Variants in FNDC3B observed in about 807,000 individuals in gnomAD.
FNDC3B encodes fibronectin type III domain containing 3B, also known as fibronectin type III domain-containing protein 3B.
FNDC3B carries 12 observed loss-of-function variants against 151.5 expected under a neutral mutation model. The observed-to-expected ratio is 0.08, with a 90% CI of 0.05 to 0.13. FNDC3B has a LOEUF of 0.13. FNDC3B is among the 10% of genes least tolerant of loss of function. The pLI is 1.00. For synonymous variants in FNDC3B, 528 were observed against 549.0 expected (o/e 0.96, Z 0.54); for missense variants, 1,214 against 1,505.3 (o/e 0.81, Z 3.20).
intron 4 of FNDC3B, among the ~76,000 whole-genome samples, chr3:172,229,572 C>G (rs1726783244): frequency 6.6e-6 from 1 of 152,134 alleles, no homozygotes; most frequent in Admixed American, 6.6e-5. Context: ...TTTTCAGCAT[C>G]TGTGATTCTT....
intron 3 of FNDC3B, among the ~76,000 whole-genome samples, chr3:172,193,958 C>T (rs988747779): frequency 7.9e-5 from 12 of 152,016 alleles, no homozygotes; most frequent in Non-Finnish European, 1.8e-4. Context: ...TGGTGGCTCA[C>T]GTCTGTAATC....
intron 1 of FNDC3B, among the ~76,000 whole-genome samples, chr3:172,089,148 T>A (rs1232139373): frequency 1.3e-5 from 2 of 152,166 alleles, no homozygotes; most frequent in Non-Finnish European, 2.9e-5. Flanking sequence ...AAAGTAAAAT[T>A]TAGTTCACAA....
At chr3:172,309,569 C>T (rs563318953) in intron 10 of FNDC3B, among the ~76,000 whole-genome samples, 43 of 152,206 alleles carry the variant, frequency 2.8e-4, no homozygotes, top group East Asian at 5.8e-4. Flanking sequence ...CCTAAAATAA[C>T]AGTTTAGGAC....
chr3:172,320,443 C>T (rs1021886953), intron 11 of FNDC3B, among the ~76,000 whole-genome samples: 1 of 152,076 alleles, frequency 6.6e-6, no homozygotes, highest in Admixed American at 6.6e-5. Context: ...ATCAAGAAAA[C>T]ATCAGGAGGA....
Position 172,304,716 on chromosome 3 carries a change from G to T in FNDC3B, c.1062-2647G>T. Among the ~76,000 whole-genome samples, 2 of 152,082 alleles carry T rather than the reference G, an allele frequency of 1.3e-5. 1 individual carries two copies. The highest frequency in any genetic ancestry group is 3.9e-4 in the East Asian group (2 of 5,186). Reference sequence around the variant, plus strand: ...GTTCAAGACCAGCCTGGCCAACGTGGTGAAACCCCCATCTCTACAAAAATA... The same window carrying T: ...GTTCAAGACCAGCCTGGCCAACGTGTTGAAACCCCCATCTCTACAAAAATA... On this transcript the variant is annotated intron_variant, in intron 9 of 25. Transcript: ENST00000415807.
At chr3:172,213,458 C>T (rs1393746282) in intron 3 of FNDC3B, among the ~76,000 whole-genome samples, 2 of 152,196 alleles carry the variant, frequency 1.3e-5, no homozygotes, top group African/African-American at 4.8e-5. Flanking sequence ...CTCCTATCTT[C>T]TCAGTATTCA....
At position 172,045,807 on chromosome 3, in the gene FNDC3B, T is replaced by C. The variant is rs79070596; in HGVS notation, c.-29+6036T>C. Among the ~76,000 whole-genome samples, 428 of 151,478 alleles carry C rather than the reference T, an allele frequency of 2.8e-3. 4 individuals carry two copies. Among genetic ancestry groups the C allele is most frequent in the African/African-American group, 9.5e-3 (392 of 41,278 alleles). ...CTCTCTCTCTCTCTATATATATATATACACTTTGCCTTAAAATATATATTA... is the reference window on the plus strand; with the variant it reads ...CTCTCTCTCTCTCTATATATATATACACACTTTGCCTTAAAATATATATTA... On this transcript the variant is annotated intron_variant, in intron 1 of 25. Coordinates refer to ENST00000415807, the MANE Select transcript of FNDC3B (RefSeq NM_022763.4).
intron 1 of FNDC3B, among the ~76,000 whole-genome samples, chr3:172,081,155 G>A (rs1718261095): frequency 6.6e-6 from 1 of 152,090 alleles, no homozygotes. Context: ...GTATTGATTG[G>A]CACTAGTGGT....
At chr3:172,243,012 C>T (rs1727579022) in intron 4 of FNDC3B, among the ~76,000 whole-genome samples, 1 of 152,184 alleles carries the variant, frequency 6.6e-6, no homozygotes, top group African/African-American at 2.4e-5. Context: ...CCACAAATCT[C>T]TAGGGCAGAG....
chr3:172,258,915 A>G (rs901767218), intron 6 of FNDC3B, among the ~76,000 whole-genome samples: 2 of 152,156 alleles, frequency 1.3e-5, no homozygotes, highest in Non-Finnish European at 2.9e-5. Flanking sequence ...TTGTGAGCAC[A>G]TATCCTAGGC....
intron 25 of FNDC3B, among the ~76,000 whole-genome samples, chr3:172,388,204 A>C (rs1351421269): frequency 6.6e-6 from 1 of 152,138 alleles, no homozygotes; most frequent in African/African-American, 2.4e-5. Context: ...CCAGCAGCCG[A>C]GTATGCACTG....
intron 1 of FNDC3B, among the ~76,000 whole-genome samples, chr3:172,076,211 C>T (rs1385510862): frequency 2.0e-5 from 3 of 152,096 alleles, no homozygotes; most frequent in Admixed American, 1.3e-4. Context: ...ATATTGTTTC[C>T]TACTAATGTC....
At chr3:172,098,552 T>C (rs1719201569) in intron 1 of FNDC3B, among the ~76,000 whole-genome samples, 1 of 152,234 alleles carries the variant, frequency 6.6e-6, no homozygotes, top group African/African-American at 2.4e-5. Context: ...AAATTGCACA[T>C]TCAATGTTAA....
chr3:172,116,432 C>T (rs1215344511), intron 2 of FNDC3B, among the ~76,000 whole-genome samples: 1 of 152,216 alleles, frequency 6.6e-6, no homozygotes, highest in Non-Finnish European at 1.5e-5. Flanking sequence ...GTTTCTCTCT[C>T]CCTTCCCCCC....
intron 3 of FNDC3B, among the ~76,000 whole-genome samples, chr3:172,209,424 A>T (rs1725609145): frequency 6.6e-6 from 1 of 152,138 alleles, no homozygotes; most frequent in African/African-American, 2.4e-5. Context: ...AGGGTGAGCA[A>T]GGCCGAGAGG....
chr3:172,181,641 C>G (rs1723911061), intron 3 of FNDC3B, among the ~76,000 whole-genome samples: 1 of 151,346 alleles, frequency 6.6e-6, no homozygotes, highest in African/African-American at 2.4e-5. Context: ...CCTGCCTGAC[C>G]AACATGGTGA....
intron 6 of FNDC3B, among the ~76,000 whole-genome samples, chr3:172,273,526 C>A (rs1053670611): frequency 2.0e-5 from 3 of 152,206 alleles, no homozygotes; most frequent in Admixed American, 1.3e-4. Flanking sequence ...TGTTTGCCCC[C>A]TCAGAAACAT....
intron 4 of FNDC3B, among the ~76,000 whole-genome samples, chr3:172,231,880 T>TTG (rs1553775865): frequency 2.1e-4 from 9 of 43,690 alleles, no homozygotes; most frequent in Admixed American, 4.9e-4. Flanking sequence ...TTATTTACCG[T>TTG]TTTTTTTTTT....
chr3:172,246,237 C>T (rs1183220240), intron 4 of FNDC3B, among the ~76,000 whole-genome samples: 1 of 151,134 alleles, frequency 6.6e-6, no homozygotes, highest in Admixed American at 6.6e-5. Context: ...TGTGCCCGAT[C>T]GTGCATTTGA....
Sources: allele counts gnomAD v4.1 joint callset (sites outside exome capture counted in the v4.1 genomes callset), GRCh38; gene constraint gnomAD v4.1.1; transcripts MANE v1.5; gene names NCBI Gene and HGNC (gene_info 2026-07-23, HGNC 2026-07-21).